NRG1: variants seen among roughly 807,000 people sequenced by gnomAD.
The protein encoded by NRG1 is neuregulin 1.
In NRG1, 18 loss-of-function variants were observed where a neutral mutation model predicts 63.8. The ratio of observed to expected loss-of-function variants is 0.28; its 90% confidence interval spans 0.19 to 0.42. NRG1 has a LOEUF of 0.42. NRG1 is among the 10% of genes least tolerant of loss of function. NRG1 has a pLI of 1.00. For synonymous variants in NRG1, 302 were observed against 301.3 expected, an observed-to-expected ratio of 1.00 and a Z score of -0.02; for missense variants, 762 against 814.7, an observed-to-expected ratio of 0.94 and a Z score of 0.79.
upstream of NRG1, among the ~76,000 whole-genome samples, chr8:32,546,951 TG>T (rs1833137599): frequency 6.6e-6 from 1 of 152,122 alleles, no homozygotes; most frequent in South Asian, 2.1e-4. Flanking sequence ...GAAGGTAGTG[TG>T]TAGGTAATGG....
chr8:32,759,524 A>G, intron 10 of NRG1, 88 bp downstream of exon 10: 1 of 1,477,044 alleles, frequency 6.8e-7, no homozygotes, highest in Non-Finnish European at 9.2e-7. Context: ...GAAAGGAGGC[A>G]GTGAAATGGA....
At chr8:32,251,678 A>G (rs1007393321) in intron 1 of NRG1, among the ~76,000 whole-genome samples, 2 of 152,176 alleles carry the variant, frequency 1.3e-5, no homozygotes, top group Non-Finnish European at 2.9e-5. Context: ...CCAACAGTGT[A>G]AAAGTGTTCC....
intron 1 of NRG1, among the ~76,000 whole-genome samples, chr8:32,078,084 A>G (rs1826877633): frequency 1.3e-5 from 2 of 152,180 alleles, no homozygotes; most frequent in Non-Finnish European, 2.9e-5. Context: ...ACAACTTCAC[A>G]TCCTCCTAAG....
chr8:32,156,117 G>C (rs1838033244), intron 1 of NRG1, among the ~76,000 whole-genome samples: 1 of 152,184 alleles, frequency 6.6e-6, no homozygotes, highest in Non-Finnish European at 1.5e-5. Flanking sequence ...CCTTGACTGT[G>C]TTTCTAGTGT....
intron 1 of NRG1, among the ~76,000 whole-genome samples, chr8:32,482,611 G>A (rs1362648740): frequency 6.6e-6 from 1 of 152,110 alleles, no homozygotes; most frequent in Admixed American, 6.6e-5. Flanking sequence ...TTAGGAAGGA[G>A]CCATTCCAAG....
chr8:32,463,982 T>C (rs1377801144), intron 1 of NRG1, among the ~76,000 whole-genome samples: 1 of 132,094 alleles, frequency 7.6e-6, no homozygotes, highest in Non-Finnish European at 1.6e-5. Flanking sequence ...AACCTCTGAC[T>C]CCCAGGTTCA....
intron 1 of NRG1, among the ~76,000 whole-genome samples, chr8:32,153,174 G>T (rs1837688117): frequency 6.6e-6 from 1 of 152,116 alleles, no homozygotes; most frequent in South Asian, 2.1e-4. Context: ...AGGTAGAGGT[G>T]GAAGAGAAGC....
At chr8:32,713,887 C>G (rs190102444) in intron 5 of NRG1, among the ~76,000 whole-genome samples, 2 of 151,128 alleles carry the variant, frequency 1.3e-5, no homozygotes, top group Admixed American at 6.6e-5. Context: ...TGCAGCGGTG[C>G]GATCTCAGCT....
intron 1 of NRG1, among the ~76,000 whole-genome samples, chr8:32,044,518 G>A (rs767017406): frequency 2.2e-4 from 34 of 151,648 alleles, no homozygotes; most frequent in South Asian, 6.2e-4. Context: ...TCAAGTGCAC[G>A]TGGAATAATA....
intron 1 of NRG1, among the ~76,000 whole-genome samples, chr8:32,411,499 C>A (rs1025872445): frequency 2.6e-5 from 4 of 152,162 alleles, no homozygotes; most frequent in Admixed American, 6.5e-5. Context: ...AGTTTTCTAT[C>A]CAAGAGGTGC....
chr8:32,301,644 G>A (rs1855575463), intron 1 of NRG1, among the ~76,000 whole-genome samples: 1 of 152,166 alleles, frequency 6.6e-6, no homozygotes, highest in Non-Finnish European at 1.5e-5. Context: ...GAAAGTCAAG[G>A]AGGAGCAAAT....
intron 1 of NRG1, among the ~76,000 whole-genome samples, chr8:31,650,995 T>A (rs1804784982): frequency 6.6e-6 from 1 of 152,216 alleles, no homozygotes. Context: ...TCCTCAGAAA[T>A]GACCCAAACA....
intron 1 of NRG1, among the ~76,000 whole-genome samples, chr8:32,416,108 T>C (rs1039072426): frequency 2.0e-5 from 3 of 152,242 alleles, no homozygotes; most frequent in Non-Finnish European, 2.9e-5. Flanking sequence ...CTTACAAATA[T>C]ATAACCATTT....
At chr8:32,521,386 A>G (rs1371314154) in intron 1 of NRG1, among the ~76,000 whole-genome samples, 1 of 152,168 alleles carries the variant, frequency 6.6e-6, no homozygotes, top group Non-Finnish European at 1.5e-5. Flanking sequence ...AGATGTGAAA[A>G]TTAAGGTAAT....
At chr8:32,288,177 C>T (rs993916563) in intron 1 of NRG1, among the ~76,000 whole-genome samples, 2 of 151,948 alleles carry the variant, frequency 1.3e-5, no homozygotes, top group African/African-American at 4.8e-5. Context: ...AGAGATAATA[C>T]AGAGATAGAT....
intron 5 of NRG1, among the ~76,000 whole-genome samples, chr8:32,713,520 C>G (rs1227615917): frequency 6.6e-6 from 1 of 151,490 alleles, no homozygotes; most frequent in African/African-American, 2.4e-5. Context: ...TTCACAAACC[C>G]CATTTCCTGC....
intron 1 of NRG1, among the ~76,000 whole-genome samples, chr8:31,814,418 T>A (rs897291720): frequency 4.6e-5 from 7 of 152,138 alleles, no homozygotes; most frequent in Non-Finnish European, 7.3e-5. Flanking sequence ...TGCTATAGGG[T>A]GACTTGAAAC....
intron 5 of NRG1, among the ~76,000 whole-genome samples, chr8:32,713,894 A>G (rs1589367587): frequency 6.6e-6 from 1 of 151,300 alleles, no homozygotes; most frequent in Non-Finnish European, 1.5e-5. Flanking sequence ...GTGCGATCTC[A>G]GCTCACTGCA....
chr8:32,218,399 G>A (rs1479729451), intron 1 of NRG1, among the ~76,000 whole-genome samples: 1 of 152,120 alleles, frequency 6.6e-6, no homozygotes, highest in African/African-American at 2.4e-5. Context: ...CTCCTACCAC[G>A]TGGCATCACG....
Sources: allele counts gnomAD v4.1 joint callset (sites outside exome capture counted in the v4.1 genomes callset), GRCh38; gene constraint gnomAD v4.1.1; transcripts MANE v1.5; gene names NCBI Gene and HGNC (gene_info 2026-07-23, HGNC 2026-07-21).